PC: variants seen among roughly 807,000 people sequenced by gnomAD.
The protein encoded by PC is pyruvate carboxylase, also known as pyruvate carboxylase, mitochondrial.
A neutral mutation model predicts 107.8 loss-of-function variants in PC; 46 were observed. The observed-to-expected ratio is 0.43, with a 90% confidence interval of 0.34 to 0.55. The LOEUF is 0.55. PC is among the 20% of genes least tolerant of loss of function. PC has a pLI of 0.04. For missense variants in PC, 1,241 were observed against 1,643.1 expected (o/e 0.76, Z 4.23); for synonymous variants, 662 against 684.7 (o/e 0.97, Z 0.52).
intron 3 of PC, among the ~76,000 whole-genome samples, chr11:66,917,433 G>A (rs542981254): frequency 3.3e-5 from 5 of 152,244 alleles, no homozygotes; most frequent in African/African-American, 7.2e-5. Context: ...GCAAATTGGC[G>A]TAGGTTTCCA....
chr11:66,850,992 G>A (rs1199149619), intron 17 of PC, 48 bp downstream of exon 17: 7 of 1,609,534 alleles, frequency 4.3e-6, no homozygotes, highest in Non-Finnish European at 5.9e-6. Context: ...TGGGTGGCGG[G>A]GACATGGCCG....
intron 3 of PC, among the ~76,000 whole-genome samples, chr11:66,877,252 A>G (rs775046057): frequency 1.3e-5 from 2 of 152,146 alleles, no homozygotes; most frequent in African/African-American, 4.8e-5. Context: ...CCAGCATGAT[A>G]GTGGGCGCCT....
At position 66,859,103 on chromosome 11, in the gene PC, C is replaced by T. The variant is rs201994951; in HGVS notation, c.1368+4671G>A. 6.7e-4 allele frequency: 1,000 copies of T among 1,482,970 alleles called. 2 individuals carry two copies. Among genetic ancestry groups the T allele is most frequent in the Middle Eastern group, 3.7e-3 (20 of 5,456 alleles). 91.9% of individuals were successfully genotyped at this position (1,482,970 alleles called of 1,614,324 possible). On this transcript the variant is annotated intron_variant, in intron 12 of 22. Transcript: ENST00000393960. ...AGACCCTCATCTACCGGTGAGGATG[C>T]GTGCCCCACACCCGGCTGCACTCCC...
At chr11:66,861,623 G>T (rs1177388527) in intron 12 of PC, among the ~76,000 whole-genome samples, 1 of 151,032 alleles carries the variant, frequency 6.6e-6, no homozygotes, top group Non-Finnish European at 1.5e-5. Context: ...CGCCATGGAG[G>T]AGTGGGCGGG....
At chr11:66,930,746 A>G (rs1002968354) in intron 3 of PC, among the ~76,000 whole-genome samples, 119 of 151,398 alleles carry the variant, frequency 7.9e-4, no homozygotes, top group African/African-American at 2.5e-3. Flanking sequence ...TGTCTTAAAA[A>G]AAAAAAAAAA....
At chr11:66,937,800 T>C (rs1191184506) in intron 3 of PC, among the ~76,000 whole-genome samples, 2 of 149,134 alleles carry the variant, frequency 1.3e-5, no homozygotes, top group Admixed American at 6.7e-5. Context: ...TTTTTGAGAC[T>C]GAGTCTTGCT....
intron 2 of PC, among the ~76,000 whole-genome samples, chr11:66,953,379 G>C (rs1488847170): frequency 6.6e-6 from 1 of 152,098 alleles, no homozygotes; most frequent in Non-Finnish European, 1.5e-5. Context: ...TCTATTTCCT[G>C]GCTATTTCCT....
chr11:66,937,693 G>A (rs1591304819), intron 3 of PC, among the ~76,000 whole-genome samples: 1 of 151,540 alleles, frequency 6.6e-6, no homozygotes, highest in Non-Finnish European at 1.5e-5. Flanking sequence ...ATTTTTTTCT[G>A]CCTGCTCAAA....
chr11:66,910,516 C>G (rs1948306115), intron 3 of PC, among the ~76,000 whole-genome samples: 1 of 152,160 alleles, frequency 6.6e-6, no homozygotes. Flanking sequence ...CACTATGTAA[C>G]ACAAAAGATA....
At chr11:66,938,304 T>G (rs965651953) in intron 3 of PC, among the ~76,000 whole-genome samples, 1 of 152,176 alleles carries the variant, frequency 6.6e-6, no homozygotes, top group Non-Finnish European at 1.5e-5. Flanking sequence ...TCTGAAAAAG[T>G]TGGTTTTAAT....
intron 1 of PC, among the ~76,000 whole-genome samples, chr11:66,955,475 C>T (rs536296925): frequency 6.6e-6 from 1 of 152,254 alleles, no homozygotes; most frequent in Admixed American, 6.5e-5. Flanking sequence ...CACAGGGAAC[C>T]GAGTCAGCCA....
chr11:66,880,798 C>T (rs1947158906), intron 3 of PC, among the ~76,000 whole-genome samples: 1 of 152,264 alleles, frequency 6.6e-6, no homozygotes, highest in Non-Finnish European at 1.5e-5. Flanking sequence ...TCCCATGCTG[C>T]AGTCCCATGC....
chr11:66,949,215 A>C (rs1188625712), intron 3 of PC, among the ~76,000 whole-genome samples: 1 of 151,254 alleles, frequency 6.6e-6, no homozygotes, highest in Non-Finnish European at 1.5e-5. Flanking sequence ...GATGGTCTCA[A>C]TCTCTTGACC....
At chr11:66,853,124 A>T in intron 13 of PC, 115 bp downstream of exon 13, 1 of 1,173,242 alleles carries the variant, frequency 8.5e-7, no homozygotes, top group Non-Finnish European at 1.2e-6. Flanking sequence ...GGCAGGGGTG[A>T]GGGGCAGGGG....
chr11:66,869,124 C>T lies in PC; in HGVS notation c.904-160G>A, dbSNP rs570265891. Among the ~76,000 whole-genome samples, 6 of 152,298 alleles carry T rather than the reference C, an allele frequency of 3.9e-5. No homozygotes were observed. The South Asian group carries it at 1.0e-3, about 26-fold the overall frequency. ...ACAGATGGCAGACAGACCCCAGGGC[C>T]CAGGTCATGCTCCTGCCTGGACACG... On this transcript the variant is annotated intron_variant, in intron 9 of 22. Transcript: ENST00000393960.
At chr11:66,854,954 G>A (rs1465943016) in intron 12 of PC, among the ~76,000 whole-genome samples, 3 of 152,242 alleles carry the variant, frequency 2.0e-5, no homozygotes, top group East Asian at 3.9e-4. Flanking sequence ...AAAGAGCCCC[G>A]AGCGCGCAGA....
At position 66,863,951 on chromosome 11, in the gene PC, G is replaced by C. The variant is rs1465783350; in HGVS notation, c.1191C>G (p.Phe397Leu). The C allele has an allele frequency of 3.7e-6, 6 of 1,613,692 alleles. No homozygotes were observed. Among genetic ancestry groups the C allele is most frequent in the East Asian group, 2.2e-5 (1 of 44,888 alleles). ...GGATGCCCATGCCCTCTCCGCTCCG[G>C]AACACCTGTGGGAAGGGTGAGGCGT... is the stretch of plus-strand genomic sequence containing the variant. ...FQPDTGRIEVFRSGEGMGIRL... is the reference protein window; with the variant it reads ...FQPDTGRIEVLRSGEGMGIRL... Residue 397 changes from phenylalanine (F) to leucine (L), a missense_variant, in exon 12 of 23, where the codon TTC (phenylalanine) becomes TTG (leucine). By Grantham distance (22) the Phe-to-Leu change is conservative. This residue lies in a region of PC where 1,143 missense variants were observed against 1,551.9 expected (regional missense o/e 0.74). Coordinates refer to ENST00000393960, the MANE Select transcript of PC (RefSeq NM_001040716.2).
chr11:66,858,151 C>G lies in PC; in HGVS notation c.1369-4768G>C. The G allele has an allele frequency of 6.2e-7, 1 of 1,610,798 alleles. No homozygotes were observed. Among genetic ancestry groups the G allele is most frequent in the Non-Finnish European group, 8.5e-7 (1 of 1,178,848 alleles). ...AGCGGCAACCAGCTGGGCCGCATCG[C>G]GCCGGGAGCCTTCGACGACTTCCTA... is the stretch of plus-strand genomic sequence containing the variant. On this transcript the variant is annotated intron_variant, in intron 12 of 22. Coordinates refer to ENST00000393960, the MANE Select transcript of PC (RefSeq NM_001040716.2). This position sits in a 1 kb window ranked among gnomAD's most constrained non-coding sequence, Gnocchi z 5.9.
At chr11:66,860,428 A>C (rs1310975771) in intron 12 of PC, 2 of 707,674 alleles carry the variant, frequency 2.8e-6, no homozygotes, top group Non-Finnish European at 5.1e-6. Flanking sequence ...GCAGCCACCC[A>C]CTGGGAGTCT....
Sources: gnomAD v4.1 joint callset for allele counts (sites outside exome capture counted in the v4.1 genomes callset) on GRCh38, gnomAD v4.1.1 for gene constraint, gnomAD v4.1.1 regional missense constraint, Gnocchi (gnomAD v3.1) non-coding constraint, MANE v1.5 for transcripts, NCBI Gene and HGNC (gene_info 2026-07-23, HGNC 2026-07-21) for gene names.